Variants in SLC44A5 observed in about 807,000 individuals in gnomAD.
The protein encoded by SLC44A5 is choline transporter-like protein 5.
A neutral mutation model predicts 101.8 loss-of-function variants in SLC44A5; 57 were observed. The ratio of observed to expected loss-of-function variants is 0.56; its 90% CI spans 0.45 to 0.70. SLC44A5 has a LOEUF of 0.70. Ranked by LOEUF, SLC44A5 falls within the 30% of genes least tolerant of loss-of-function variation. The pLI is 0.00. For synonymous variants in SLC44A5, 281 were observed against 290.9 expected, an observed-to-expected ratio of 0.97 and a Z score of 0.35; for missense variants, 737 against 853.1, an observed-to-expected ratio of 0.86 and a Z score of 1.70.
At chr1:75,666,492 C>G in the SLC44A5 span, among the ~76,000 whole-genome samples, 1 of 152,078 alleles carries the variant, frequency 6.6e-6, no homozygotes, top group Non-Finnish European at 1.5e-5. Flanking sequence ...GGATTCACAG[C>G]CAAGTTCTAC....
intron 2 of SLC44A5, among the ~76,000 whole-genome samples, chr1:75,399,011 T>C (rs1662306438): frequency 6.6e-6 from 1 of 152,014 alleles, no homozygotes; most frequent in South Asian, 2.1e-4. Flanking sequence ...TCCAGTTTTA[T>C]TGCTGGGCCT....
intron 2 of SLC44A5, among the ~76,000 whole-genome samples, chr1:75,479,554 A>T (rs1186576664): frequency 6.6e-6 from 1 of 152,092 alleles, no homozygotes; most frequent in Non-Finnish European, 1.5e-5. Context: ...TGCAATAAAA[A>T]ATGATAAAGG....
chr1:75,593,400 G>C (rs1187732695), intron 1 of SLC44A5, among the ~76,000 whole-genome samples: 1 of 152,058 alleles, frequency 6.6e-6, no homozygotes, highest in Non-Finnish European at 1.5e-5. Context: ...ATGTAAATTA[G>C]TACAACCACA....
chr1:75,237,476 C>T (rs1176684581), intron 10 of SLC44A5, among the ~76,000 whole-genome samples: 1 of 152,064 alleles, frequency 6.6e-6, no homozygotes, highest in Non-Finnish European at 1.5e-5. Flanking sequence ...GGAACACATA[C>T]TAGAAATTTC....
At chr1:75,632,616 G>A in the SLC44A5 span, among the ~76,000 whole-genome samples, 3 of 151,718 alleles carry the variant, frequency 2.0e-5, no homozygotes, top group Admixed American at 2.0e-4. Flanking sequence ...GTTTTTCCAT[G>A]CTCCTGAAAT....
intron 14 of SLC44A5, among the ~76,000 whole-genome samples, chr1:75,220,348 T>C (rs535537871): frequency 9.9e-5 from 15 of 152,252 alleles, no homozygotes; most frequent in Non-Finnish European, 1.5e-4. Flanking sequence ...TGACATGGCT[T>C]ATTCTATTTT....
chr1:75,310,442 C>G (rs1026666278), intron 4 of SLC44A5, among the ~76,000 whole-genome samples: 3 of 152,186 alleles, frequency 2.0e-5, no homozygotes, highest in African/African-American at 4.8e-5. Flanking sequence ...TCCCTCCTGG[C>G]AGTCTTTCTC....
chr1:75,616,824 C>T, the SLC44A5 span, among the ~76,000 whole-genome samples: 1 of 152,308 alleles, frequency 6.6e-6, no homozygotes, highest in Non-Finnish European at 1.5e-5. Context: ...GGATAGTTCC[C>T]TTGGGGCTGT....
At chr1:75,594,411 T>C (rs1414953284) in intron 1 of SLC44A5, among the ~76,000 whole-genome samples, 3 of 152,142 alleles carry the variant, frequency 2.0e-5, no homozygotes, top group East Asian at 3.9e-4. Flanking sequence ...TGTTAAAAGA[T>C]TGAATTACCC....
At chr1:75,297,096 G>A (rs923601782) in intron 5 of SLC44A5, among the ~76,000 whole-genome samples, 12 of 152,008 alleles carry the variant, frequency 7.9e-5, no homozygotes, top group African/African-American at 2.9e-4. Flanking sequence ...GGTCTTGTTT[G>A]CATTAACTTT....
intron 2 of SLC44A5, among the ~76,000 whole-genome samples, chr1:75,410,888 C>T (rs1257716746): frequency 6.6e-6 from 1 of 152,020 alleles, no homozygotes; most frequent in African/African-American, 2.4e-5. Flanking sequence ...ACACTAAGGC[C>T]ACAAAGAAAT....
At chr1:75,558,257 C>T (rs1475101039) in intron 1 of SLC44A5, among the ~76,000 whole-genome samples, 1 of 152,082 alleles carries the variant, frequency 6.6e-6, no homozygotes, top group African/African-American at 2.4e-5. Context: ...TAGAAACATA[C>T]TCTCTAAATT....
intron 2 of SLC44A5, among the ~76,000 whole-genome samples, chr1:75,469,900 GAAAAAAAAA>G (rs1171157547): frequency 2.5e-5 from 2 of 80,564 alleles, no homozygotes; most frequent in African/African-American, 3.8e-5. Context: ...ACCTTGTGAA[GAAAAAAAAA>G]AAAAAAAAAA....
At chr1:75,530,079 T>A (rs1670636669) in intron 2 of SLC44A5, among the ~76,000 whole-genome samples, 1 of 152,140 alleles carries the variant, frequency 6.6e-6, no homozygotes, top group Non-Finnish European at 1.5e-5. Context: ...GACGGAGTCT[T>A]GCTCTGTGGC....
chr1:75,225,287 C>G (rs1047506551), intron 13 of SLC44A5, among the ~76,000 whole-genome samples: 1 of 152,148 alleles, frequency 6.6e-6, no homozygotes, highest in Non-Finnish European at 1.5e-5. Context: ...TAGGCCATTA[C>G]GTGTAGCCTA....
At chr1:75,717,367 A>G in the SLC44A5 span, among the ~76,000 whole-genome samples, 1 of 151,914 alleles carries the variant, frequency 6.6e-6, no homozygotes, top group East Asian at 1.9e-4. Context: ...AAAAGAAAAG[A>G]AAAAATATCA....
intron 2 of SLC44A5, among the ~76,000 whole-genome samples, chr1:75,483,866 G>A (rs185127254): frequency 2.3e-4 from 35 of 152,256 alleles, no homozygotes; most frequent in African/African-American, 8.2e-4. Context: ...CGAAGGGGAA[G>A]CAAGGCACAT....
At chr1:75,353,656 G>A (rs531943052) in intron 3 of SLC44A5, among the ~76,000 whole-genome samples, 2 of 152,298 alleles carry the variant, frequency 1.3e-5, no homozygotes, top group Admixed American at 1.3e-4. Flanking sequence ...TGCTGCTCAT[G>A]CAACCATTGG....
At chr1:75,551,135 G>C (rs1356529529) in intron 1 of SLC44A5, among the ~76,000 whole-genome samples, 1 of 151,978 alleles carries the variant, frequency 6.6e-6, no homozygotes, top group Non-Finnish European at 1.5e-5. Context: ...CTGATTCTCT[G>C]TTCCCACTTT....
Sources: gnomAD v4.1 joint callset for allele counts (sites outside exome capture counted in the v4.1 genomes callset) on GRCh38, gnomAD v4.1.1 for gene constraint, MANE v1.5 for transcripts, NCBI Gene and HGNC (gene_info 2026-07-23, HGNC 2026-07-21) for gene names.